The following PRKCZ variants were observed in gnomAD, a reference collection of about 807,000 sequenced individuals.
PRKCZ encodes protein kinase C zeta type.
Under a neutral mutation model 79.5 loss-of-function variants are expected in PRKCZ, and 33 were observed. The observed-to-expected ratio is 0.41, with a 90% CI of 0.31 to 0.55. PRKCZ has a LOEUF of 0.55. PRKCZ is among the 20% of genes least tolerant of loss of function. The probability of loss-of-function intolerance (pLI) is 0.19; values close to 1 mark genes in which losing one functional copy is unlikely to be tolerated. For missense variants in PRKCZ, 578 were observed against 813.5 expected (o/e 0.71, Z 3.52); for synonymous variants, 342 against 320.9 (o/e 1.07, Z -0.70).
At chr1:2,175,124 G>T (rs1175663063) in intron 15 of PRKCZ, 100 bp from the exon 16 acceptor site, 8 of 1,024,806 alleles carry the variant, frequency 7.8e-6, no homozygotes, top group African/African-American at 1.6e-5. Context: ...CAGAGCATCG[G>T]GGGAGGGCTT....
intron 4 of PRKCZ, among the ~76,000 whole-genome samples, chr1:2,073,307 A>C (rs1324864409): frequency 6.6e-6 from 1 of 152,108 alleles, no homozygotes; most frequent in African/African-American, 2.4e-5. Context: ...ACCACATCGC[A>C]AGGCCCCTAT....
intron 4 of PRKCZ, among the ~76,000 whole-genome samples, chr1:2,067,501 G>A (rs553417121): frequency 6.6e-5 from 10 of 152,308 alleles, no homozygotes; most frequent in African/African-American, 1.4e-4. Flanking sequence ...CGCCCCGGTC[G>A]AGTGGGGATC....
intron 5 of PRKCZ, among the ~76,000 whole-genome samples, chr1:2,138,205 G>A (rs561757982): frequency 8.5e-4 from 130 of 152,348 alleles, no homozygotes; most frequent in Non-Finnish European, 1.5e-3. Flanking sequence ...AAGCACCCAG[G>A]AGAAGAGAGA....
chr1:2,055,339 G>C, intron 1 of PRKCZ, 102 bp from the exon 2 acceptor site: 1 of 1,407,334 alleles, frequency 7.1e-7, no homozygotes, highest in Non-Finnish European at 9.5e-7. Context: ...TTTGGGGAAA[G>C]TTTCATTTAT....
rs894833116 is a variant in PRKCZ at position 2,172,008 on chromosome 1, A to G, written c.1062-47A>G. On this transcript the variant is annotated intron_variant, in intron 11 of 17. Coordinates refer to ENST00000378567, the MANE Select transcript of PRKCZ (RefSeq NM_002744.6). The surrounding 1 kb of genome is among the most constrained non-coding windows in gnomAD (Gnocchi z 7.8). ...GCCCCCAGGCTGGAGCTGTTGGCGCAGCCTCTGGCACAGGCACTGCCCCCA... is the reference window on the plus strand; with the variant it reads ...GCCCCCAGGCTGGAGCTGTTGGCGCGGCCTCTGGCACAGGCACTGCCCCCA... 5 of 1,543,248 alleles carry G rather than the reference A, an allele frequency of 3.2e-6. No individual in the cohort carries two copies. The African/African-American group carries it at 6.9e-5, about 21-fold the overall frequency.
rs528747900 is a variant in PRKCZ, at chr1:2,076,262, C to G, written c.334+16671C>G. The stretch of plus-strand genomic sequence containing the variant: ...CAGGTCTGGTCTCCTGGCGCCCACT[C>G]ACTCCCTGGCCATCTCCCCACCTCC... On this transcript the variant is annotated intron_variant, in intron 4 of 17. Transcript: ENST00000378567. 1.2e-4 allele frequency among the ~76,000 whole-genome samples: 19 copies of G among 152,298 alleles called. No homozygotes were observed. The South Asian group carries it at 3.9e-3, about 32-fold the overall frequency.
At chr1:2,152,493 C>G (rs1421949161) in intron 9 of PRKCZ, among the ~76,000 whole-genome samples, 1 of 152,208 alleles carries the variant, frequency 6.6e-6, no homozygotes, top group Admixed American at 6.5e-5. Context: ...GATCACGCTA[C>G]TGCACTCCAG....
chr1:2,157,558 C>T (rs1026639154), intron 10 of PRKCZ, among the ~76,000 whole-genome samples: 3 of 152,084 alleles, frequency 2.0e-5, no homozygotes, highest in African/African-American at 7.2e-5. Flanking sequence ...GCTGGGATTA[C>T]AAGCACCTGC....
At position 2,137,205 on chromosome 1, in the gene PRKCZ, G is replaced by A. The variant is rs1676388445; in HGVS notation, c.420+1858G>A. 2.0e-5 allele frequency among the ~76,000 whole-genome samples: 3 copies of A among 152,184 alleles called. 1 individual carries two copies. Among genetic ancestry groups the A allele is most frequent in the Admixed American group, 2.0e-4 (3 of 15,280 alleles). On this transcript the variant is annotated intron_variant, in intron 5 of 17. Transcript: ENST00000378567. ...ATGTCCCAGGGTAGGACGAGTGGCAGGAAGCATCCAGCATGGGAGAAAGAT... is the reference window on the plus strand; with the variant it reads ...ATGTCCCAGGGTAGGACGAGTGGCAAGAAGCATCCAGCATGGGAGAAAGAT...
In PRKCZ at chr1:2,110,101, C is replaced by T. The variant is rs528275621; in HGVS notation, c.335-25161C>T. On this transcript the variant is annotated intron_variant, in intron 4 of 17. Transcript: ENST00000378567. ...AGGATCCCAGAGGTGAGACACAGAA[C>T]GGCCAGGGCTGAATCCGGGGCCCTC... Among the ~76,000 whole-genome samples the T allele has an allele frequency of 2.6e-3, 358 of 135,994 alleles. 4 individuals are homozygous for T. The highest frequency in any genetic ancestry group is 1.2e-3 in the Non-Finnish European group (73 of 62,910). The allele number at this position is 135,994 out of a possible 152,430, so 89.2% of individuals were successfully genotyped here. A position where few individuals can be genotyped will look rare whatever the true frequency, so the allele number is the denominator to read the frequency against.
At chr1:2,104,523 G>C (rs1397393671) in intron 4 of PRKCZ, among the ~76,000 whole-genome samples, 1 of 152,122 alleles carries the variant, frequency 6.6e-6, no homozygotes, top group Non-Finnish European at 1.5e-5. Flanking sequence ...GGGAGCCCCA[G>C]AGGCATCCAG....
chr1:2,100,262 A>G (rs1033039499), intron 4 of PRKCZ, among the ~76,000 whole-genome samples: 15 of 152,086 alleles, frequency 9.9e-5, no homozygotes, highest in African/African-American at 3.6e-4. Context: ...TTGTGGAAAA[A>G]CGCCCACGTC....
At chr1:2,137,768 TC>T (rs1045581902) in intron 5 of PRKCZ, among the ~76,000 whole-genome samples, 2 of 146,092 alleles carry the variant, frequency 1.4e-5, no homozygotes, top group African/African-American at 5.0e-5. Flanking sequence ...ACCCTCCCCC[TC>T]CCCACCACCA....
Position 2,174,288 on chromosome 1 carries a change from C to G in PRKCZ, c.1405+272C>G, listed in dbSNP as rs962196254. Among the ~76,000 whole-genome samples the G allele has an allele frequency of 2.0e-5, 3 of 152,188 alleles. No individual in the cohort carries two copies. The highest frequency in any genetic ancestry group is 4.4e-5 in the Non-Finnish European group (3 of 68,026). ...CCTGGCCAGCAGCACATGCTGGAGC[C>G]CCAGCATGTCCTTGACCGAGGCTGT... On this transcript the variant is annotated intron_variant, in intron 14 of 17. Transcript: ENST00000378567. This position sits in a 1 kb window ranked among gnomAD's most constrained non-coding sequence, Gnocchi z 6.2.
At chr1:2,112,461 A>G (rs941547425) in intron 4 of PRKCZ, among the ~76,000 whole-genome samples, 7 of 152,140 alleles carry the variant, frequency 4.6e-5, no homozygotes, top group African/African-American at 7.2e-5. Context: ...AGCCAGCTTC[A>G]TGCTGAGGAC....
chr1:2,061,517 A>G (rs764726809), intron 4 of PRKCZ, among the ~76,000 whole-genome samples: 1 of 152,120 alleles, frequency 6.6e-6, no homozygotes, highest in Non-Finnish European at 1.5e-5. Flanking sequence ...CCAAGCCCCG[A>G]GGAAGGACCT....
At chr1:2,170,896 G>A (rs923164881) in intron 11 of PRKCZ, among the ~76,000 whole-genome samples, 8 of 152,202 alleles carry the variant, frequency 5.3e-5, no homozygotes, top group South Asian at 4.1e-4. Flanking sequence ...TCCATCCCTC[G>A]GGGGGCACTT....
At position 2,177,254 on chromosome 1, in the gene PRKCZ, C is replaced by A. The variant is rs957675848; in HGVS notation, c.1575+1941C>A. ...CACACACACTCAGGTCCAGGTACCA[C>A]CCGGCTGAACCCGTAGCAGGTGCTT... On this transcript the variant is annotated intron_variant, in intron 16 of 17. Transcript: ENST00000378567. The surrounding 1 kb of genome is among the most constrained non-coding windows in gnomAD (Gnocchi z 6.4). 6.6e-6 allele frequency among the ~76,000 whole-genome samples: 1 copy of A among 152,184 alleles called. No individual in the cohort carries two copies. The highest frequency in any genetic ancestry group is 1.5e-5 in the Non-Finnish European group (1 of 68,020).
In PRKCZ at chr1:2,059,611, A is replaced by G. The variant is rs1165958357; in HGVS notation, c.334+20A>G. On this transcript the variant is annotated intron_variant, in intron 4 of 17. Coordinates refer to ENST00000378567, the MANE Select transcript of PRKCZ (RefSeq NM_002744.6). ...AAGACAGTGAGTACTGGGGTTTCCTACGCCGGTCTCGCATGTTACGGGGTT... is the reference window on the plus strand; with the variant it reads ...AAGACAGTGAGTACTGGGGTTTCCTGCGCCGGTCTCGCATGTTACGGGGTT... 2.5e-6 allele frequency: 4 copies of G among 1,613,884 alleles called. No homozygotes were observed. The highest frequency in any genetic ancestry group is 2.5e-6 in the Non-Finnish European group (3 of 1,179,782).
Sources: gnomAD v4.1 joint callset for allele counts (sites outside exome capture counted in the v4.1 genomes callset) on GRCh38, gnomAD v4.1.1 for gene constraint, Gnocchi (gnomAD v3.1) non-coding constraint, MANE v1.5 for transcripts, NCBI Gene and HGNC (gene_info 2026-07-23, HGNC 2026-07-21) for gene names.